Variants in CTNNBL1 observed in about 807,000 individuals in gnomAD.
CTNNBL1 encodes beta-catenin-like protein 1.
Under a neutral mutation model 72.7 loss-of-function variants are expected in CTNNBL1, and 31 were observed. The observed-to-expected ratio is 0.43, with a 90% CI of 0.32 to 0.58. CTNNBL1 has a LOEUF of 0.58. Among genes scored for constraint, CTNNBL1 ranks in the 20% least tolerant of loss-of-function variants. The pLI is 0.08. For synonymous variants in CTNNBL1, 240 were observed against 267.3 expected (o/e 0.90, Z 1.00); for missense variants, 534 against 725.1 (o/e 0.74, Z 3.03).
chr20:37,734,718 ATAT>A (rs1182890618), intron 2 of CTNNBL1, among the ~76,000 whole-genome samples: 1 of 152,236 alleles, frequency 6.6e-6, no homozygotes, highest in East Asian at 1.9e-4. Context: ...AACTTGTAAA[ATAT>A]TATTGTCCTT....
At chr20:37,848,980 C>T (rs940714098) in intron 13 of CTNNBL1, among the ~76,000 whole-genome samples, 1 of 152,204 alleles carries the variant, frequency 6.6e-6, no homozygotes, top group Non-Finnish European at 1.5e-5. Context: ...TCTTCCCCTA[C>T]TGCCCATATT....
chr20:37,748,483 T>C (rs2073288240), intron 4 of CTNNBL1, among the ~76,000 whole-genome samples: 1 of 152,166 alleles, frequency 6.6e-6, no homozygotes, highest in South Asian at 2.1e-4. Context: ...TGAGTGCTCA[T>C]GATGTACCAG....
At chr20:37,860,879 G>A (rs375707262) in intron 15 of CTNNBL1, among the ~76,000 whole-genome samples, 3 of 152,092 alleles carry the variant, frequency 2.0e-5, no homozygotes, top group Non-Finnish European at 4.4e-5. Context: ...ATCTCTTACT[G>A]TGCCTAATTT....
intron 15 of CTNNBL1, among the ~76,000 whole-genome samples, chr20:37,864,190 GC>G (rs558347749): frequency 1.1e-4 from 16 of 145,190 alleles, no homozygotes; most frequent in African/African-American, 2.1e-4. Flanking sequence ...TTCATACCAC[GC>G]CCCCCCCACC....
At chr20:37,739,807 TGTAG>T (rs1311972964) in intron 3 of CTNNBL1, among the ~76,000 whole-genome samples, 1 of 152,246 alleles carries the variant, frequency 6.6e-6, no homozygotes, top group East Asian at 1.9e-4. Context: ...CTTGCCTTGC[TGTAG>T]GTGTTCAGTA....
chr20:37,766,201 G>C (rs1333181193), intron 6 of CTNNBL1, among the ~76,000 whole-genome samples: 1 of 152,222 alleles, frequency 6.6e-6, no homozygotes, highest in Non-Finnish European at 1.5e-5. Flanking sequence ...CTGTAGTCTA[G>C]AGCCAGAATT....
At chr20:37,697,755 C>T (rs1354491799) in intron 1 of CTNNBL1, among the ~76,000 whole-genome samples, 1 of 152,148 alleles carries the variant, frequency 6.6e-6, no homozygotes, top group East Asian at 1.9e-4. Context: ...AATGTTTACA[C>T]ATCTTACCAC....
intron 1 of CTNNBL1, among the ~76,000 whole-genome samples, chr20:37,724,886 G>C (rs1435770993): frequency 6.6e-6 from 1 of 151,374 alleles, no homozygotes; most frequent in Non-Finnish European, 1.5e-5. Flanking sequence ...ATGGAAGTCC[G>C]AGGGCGGGTG....
chr20:37,748,651 A>G (rs1301630990), intron 4 of CTNNBL1, among the ~76,000 whole-genome samples: 1 of 152,216 alleles, frequency 6.6e-6, no homozygotes, highest in African/African-American at 2.4e-5. Flanking sequence ...TATTTCTCAC[A>G]GTTCTGGAGA....
intron 15 of CTNNBL1, among the ~76,000 whole-genome samples, chr20:37,861,640 T>C (rs2122864476): frequency 6.6e-6 from 1 of 152,296 alleles, no homozygotes; most frequent in African/African-American, 2.4e-5. Context: ...ATAAACATAG[T>C]CTACACAGTG....
intron 5 of CTNNBL1, among the ~76,000 whole-genome samples, chr20:37,761,310 G>C (rs969926402): frequency 7.9e-5 from 12 of 152,168 alleles, no homozygotes; most frequent in Non-Finnish European, 1.8e-4. Flanking sequence ...GGACTGCCAG[G>C]GGACTACCCT....
At chr20:37,864,012 C>A (rs1299491263) in intron 15 of CTNNBL1, among the ~76,000 whole-genome samples, 3 of 152,116 alleles carry the variant, frequency 2.0e-5, no homozygotes, top group African/African-American at 7.2e-5. Context: ...TGTGGCCTGC[C>A]TCTGGGAGCA....
chr20:37,779,448 T>A, intron 10 of CTNNBL1, 113 bp downstream of exon 10: 1 of 1,245,132 alleles, frequency 8.0e-7, no homozygotes. Context: ...TCCTAGACTT[T>A]ACCCTGAAGA....
intron 11 of CTNNBL1, among the ~76,000 whole-genome samples, chr20:37,822,928 C>T (rs934057142): frequency 6.6e-6 from 1 of 152,130 alleles, no homozygotes; most frequent in Non-Finnish European, 1.5e-5. Context: ...ATTTTGCAGG[C>T]CCTTAGTTCT....
At chr20:37,771,663 A>G (rs1178091114) in intron 7 of CTNNBL1, among the ~76,000 whole-genome samples, 1 of 152,030 alleles carries the variant, frequency 6.6e-6, no homozygotes, top group African/African-American at 2.4e-5. Flanking sequence ...CTCTACCAGG[A>G]ATGACTGGCT....
chr20:37,866,896 A>T (rs995871035), intron 15 of CTNNBL1, among the ~76,000 whole-genome samples: 2 of 152,152 alleles, frequency 1.3e-5, no homozygotes, highest in Non-Finnish European at 2.9e-5. Flanking sequence ...GCCACCAGGA[A>T]AAGCAGGGAC....
intron 10 of CTNNBL1, among the ~76,000 whole-genome samples, chr20:37,795,870 C>A (rs2122722591): frequency 6.8e-6 from 1 of 146,092 alleles, no homozygotes; most frequent in Non-Finnish European, 1.5e-5. Context: ...TATGGAAATT[C>A]AAATATTGTG....
chr20:37,746,661 G>A, intron 4 of CTNNBL1, 54 bp downstream of exon 4: 1 of 1,599,168 alleles, frequency 6.3e-7, no homozygotes, highest in Non-Finnish European at 8.6e-7. Flanking sequence ...GGGAAGTGCT[G>A]TTACTCTTTC....
intron 11 of CTNNBL1, among the ~76,000 whole-genome samples, chr20:37,837,560 A>G (rs191895795): frequency 2.5e-4 from 38 of 152,364 alleles, no homozygotes; most frequent in Middle Eastern, 6.8e-3. Context: ...TCCCACGTAC[A>G]AAAACTCTTT....
Sources: allele counts gnomAD v4.1 joint callset (sites outside exome capture counted in the v4.1 genomes callset), GRCh38; gene constraint gnomAD v4.1.1; transcripts MANE v1.5; gene names NCBI Gene and HGNC (gene_info 2026-07-23, HGNC 2026-07-21).